The following SBNO2 variants were observed in gnomAD, a reference collection of about 807,000 sequenced individuals.
The protein encoded by SBNO2 is strawberry notch homolog 2, also known as protein strawberry notch homolog 2.
SBNO2 carries 89 observed loss-of-function variants against 146.3 expected under a neutral mutation model. That is an observed-to-expected ratio of 0.61 (90% CI 0.51 to 0.73). The LOEUF (loss-of-function observed/expected upper bound fraction) is 0.73, where lower values mean the gene tolerates loss of function less well. SBNO2 is among the 30% of genes least tolerant of loss of function. SBNO2 has a pLI of 0.00. For synonymous variants in SBNO2, 1,147 were observed against 892.6 expected, an observed-to-expected ratio of 1.29 and a Z score of -5.08; for missense variants, 2,092 against 2,003.7, an observed-to-expected ratio of 1.04 and a Z score of -0.84.
chr19:1,130,562 TG>T (rs1340108380), intron 4 of SBNO2, among the ~76,000 whole-genome samples: 1 of 150,790 alleles, frequency 6.6e-6, no homozygotes, highest in Non-Finnish European at 1.5e-5. Context: ...AGAGCCAAGG[TG>T]AAAGAATCAC....
At chr19:1,123,839 A>C in intron 6 of SBNO2, 103 bp downstream of exon 6, 1 of 1,275,480 alleles carries the variant, frequency 7.8e-7, no homozygotes, top group Non-Finnish European at 1.1e-6. Flanking sequence ...CCCAGCTTCT[A>C]GGCCAGCCAA....
At chr19:1,149,303 C>A in intron 3 of SBNO2, 66 bp downstream of exon 3, 1 of 1,446,186 alleles carries the variant, frequency 6.9e-7, no homozygotes, top group Non-Finnish European at 9.5e-7. Context: ...CCCAGAACTC[C>A]GTTTGTAACT....
intron 1 of SBNO2, among the ~76,000 whole-genome samples, chr19:1,165,861 T>C (rs988799559): frequency 1.1e-3 from 6 of 5,642 alleles, no homozygotes; most frequent in South Asian, 0.012. Flanking sequence ...AGACCCCAGA[T>C]CCCAGACCCC....
intron 1 of SBNO2, among the ~76,000 whole-genome samples, chr19:1,156,848 G>A (rs925188940): frequency 8.9e-6 from 1 of 111,886 alleles, no homozygotes; most frequent in African/African-American, 2.8e-5. Flanking sequence ...CTGCACCCGG[G>A]GCCCATTTCC....
At chr19:1,172,629 G>A (rs1304476797) in intron 1 of SBNO2, among the ~76,000 whole-genome samples, 1 of 152,226 alleles carries the variant, frequency 6.6e-6, no homozygotes, top group Non-Finnish European at 1.5e-5. Flanking sequence ...CCCGGAGGAA[G>A]AGGCCTGGAA....
chr19:1,124,637 C>G (rs2079944437), intron 5 of SBNO2, among the ~76,000 whole-genome samples: 1 of 152,196 alleles, frequency 6.6e-6, no homozygotes, highest in East Asian at 1.9e-4. Flanking sequence ...AGCACCTCCT[C>G]TGTGAGAGAT....
chr19:1,164,669 CAGGAGGAGGAGG>C (rs1269073805), intron 1 of SBNO2, among the ~76,000 whole-genome samples: 3 of 8,656 alleles, frequency 3.5e-4, no homozygotes, highest in Non-Finnish European at 4.9e-4. Flanking sequence ...GGAGGAGGAA[CAGGAGGAGGAGG>C]AGGAGGAGGA....
intron 19 of SBNO2, 48 bp downstream of exon 19, chr19:1,113,487 A>ATGCC: frequency 7.0e-7 from 1 of 1,429,896 alleles, no homozygotes. Context: ...AGCCCCACCC[A>ATGCC]CTGCCCATGC....
rs2080228752 is a variant in SBNO2 at position 1,150,120 on chromosome 19, G to A, written c.94-678C>T. Among the ~76,000 whole-genome samples, 1 of 152,120 alleles carries A rather than the reference G, an allele frequency of 6.6e-6. No individual in the cohort carries two copies. The highest frequency in any genetic ancestry group is 1.5e-5 in the Non-Finnish European group (1 of 67,996). The stretch of plus-strand genomic sequence containing the variant: ...GCTCCAGGTTGGCCGAATCTCTGGT[G>A]GGTCTGACTCCAGGCCAGGCTTACC... On this transcript the variant is annotated intron_variant, in intron 2 of 31. Transcript: ENST00000361757. This position sits in a 1 kb window ranked among gnomAD's most constrained non-coding sequence, Gnocchi z 6.2.
rs2080235599 is a variant in SBNO2, at chr19:1,150,801, G to A, written c.94-1359C>T. ...ACACTGGCTGGGAACCAGCCCGGAT[G>A]GCCGGGGGCCACTTTCTGTACCCGC... On this transcript the variant is annotated intron_variant, in intron 2 of 31. Transcript: ENST00000361757. This position sits in a 1 kb window ranked among gnomAD's most constrained non-coding sequence, Gnocchi z 6.2. Among the ~76,000 whole-genome samples the A allele has an allele frequency of 6.6e-6, 1 of 152,214 alleles. No homozygotes were observed. Among genetic ancestry groups the A allele is most frequent in the Admixed American group, 6.5e-5 (1 of 15,292 alleles).
chr19:1,142,166 A>G (rs1178089950), intron 4 of SBNO2, among the ~76,000 whole-genome samples: 7 of 144,196 alleles, frequency 4.9e-5, no homozygotes, highest in African/African-American at 1.9e-4. Flanking sequence ...TCCTCACTCA[A>G]TGACCTCCCT....
At chr19:1,167,456 C>T (rs567874441) in intron 1 of SBNO2, among the ~76,000 whole-genome samples, 1 of 152,200 alleles carries the variant, frequency 6.6e-6, no homozygotes, top group Non-Finnish European at 1.5e-5. Context: ...CGGCCGGGGG[C>T]GGGATTCTGC....
chr19:1,116,951 G>T lies in SBNO2; in HGVS notation c.1705-25C>A, dbSNP rs11671663. ...ACTGTGGGACGGCAGAGGACTGTGA[G>T]CCACCAGCCCTGCTGTGGGGCCTCT... is the stretch of plus-strand genomic sequence containing the variant. On this transcript the variant is annotated intron_variant, in intron 15 of 31. Coordinates refer to ENST00000361757, the MANE Select transcript of SBNO2 (RefSeq NM_014963.3). 2.1e-3 allele frequency: 3,158 copies of T among 1,534,824 alleles called. 8 individuals are homozygous for T. The highest frequency in any genetic ancestry group is 2.6e-3 in the Non-Finnish European group (2,924 of 1,144,794).
chr19:1,123,806 TCCTCA>T, intron 6 of SBNO2, 131 bp downstream of exon 6: 2 of 1,082,722 alleles, frequency 1.8e-6, no homozygotes. Context: ...GGCCTCCATC[TCCTCA>T]GCTATAAAAT....
chr19:1,111,938 G>C (rs964784992), intron 23 of SBNO2, 58 bp downstream of exon 23: 4 of 1,387,836 alleles, frequency 2.9e-6, no homozygotes, highest in Non-Finnish European at 3.9e-6. Flanking sequence ...TCTTAGATCC[G>C]GCCCTCCCTA....
At chr19:1,118,089 A>C (rs940914166) in intron 14 of SBNO2, among the ~76,000 whole-genome samples, 1 of 152,188 alleles carries the variant, frequency 6.6e-6, no homozygotes, top group Non-Finnish European at 1.5e-5. Context: ...TAATCACAGC[A>C]CTTTGGGAGG....
At chr19:1,155,073 C>A (rs2080277740) in intron 1 of SBNO2, 1 of 152,230 alleles carries the variant, frequency 6.6e-6, no homozygotes, top group Admixed American at 6.5e-5. Flanking sequence ...GCTGAGCCCC[C>A]ACCAGGCCCT....
rs139269233 is a variant in SBNO2 at position 1,155,971 on chromosome 19, G to C, written c.-126-1569C>G. On this transcript the variant is annotated intron_variant, in intron 1 of 31. Coordinates refer to ENST00000361757, the MANE Select transcript of SBNO2 (RefSeq NM_014963.3). ...TACGCTGACCTTTTCCACACTCAGG[G>C]CGCTCCTCAGCTCTGAGGCCACACA... 4.1e-3 allele frequency among the ~76,000 whole-genome samples: 618 copies of C among 152,328 alleles called. 6 individuals carry two copies. The highest frequency in any genetic ancestry group is 0.014 in the African/African-American group (594 of 41,562).
At position 1,112,524 on chromosome 19, in the gene SBNO2, A is replaced by G; in HGVS notation, c.2393T>C (p.Ile798Thr). The G allele has an allele frequency of 6.2e-7, 1 of 1,602,846 alleles. No individual in the cohort carries two copies. Among genetic ancestry groups the G allele is most frequent in the Non-Finnish European group, 8.5e-7 (1 of 1,177,692 alleles). Residue 798 changes from isoleucine (I) to threonine (T), a missense_variant, in exon 21 of 32, where the codon ATC becomes ACC. By Grantham distance (89) the Ile-to-Thr change is moderately conservative. Coordinates refer to ENST00000361757, the MANE Select transcript of SBNO2 (RefSeq NM_014963.3). The surrounding 1 kb of genome is among the most constrained non-coding windows in gnomAD (Gnocchi z 5.9). The stretch of plus-strand genomic sequence containing the variant: ...GACACCCGAGCTGGAGGCCTCCGAG[A>G]TGATGGCCACGAGCTAGGGGGAAAG... ...FMSGEKLVAI[I>T]SEASSSGVSL... is the part of the protein sequence containing the mutation.
Sources: gnomAD v4.1 joint callset for allele counts (sites outside exome capture counted in the v4.1 genomes callset) on GRCh38, gnomAD v4.1.1 for gene constraint, Gnocchi (gnomAD v3.1) non-coding constraint, MANE v1.5 for transcripts, NCBI Gene and HGNC (gene_info 2026-07-23, HGNC 2026-07-21) for gene names.